PPP1R16B: variants seen among roughly 807,000 people sequenced by gnomAD.
PPP1R16B encodes protein phosphatase 1 regulatory subunit 16B.
PPP1R16B carries 14 observed loss-of-function variants against 61.7 expected under a neutral mutation model. The observed-to-expected ratio is 0.23, with a 90% confidence interval of 0.15 to 0.35. PPP1R16B has a LOEUF of 0.35. Ranked by LOEUF, PPP1R16B falls within the 10% of genes least tolerant of loss-of-function variation. The probability of loss-of-function intolerance (pLI) is 1.00; values close to 1 mark genes in which losing one functional copy is unlikely to be tolerated. For synonymous variants in PPP1R16B, 266 were observed against 305.3 expected (o/e 0.87, Z 1.34); for missense variants, 547 against 752.5 (o/e 0.73, Z 3.19).
chr20:38,814,219 C>G (rs1324987469), intron 1 of PPP1R16B, among the ~76,000 whole-genome samples: 1 of 152,152 alleles, frequency 6.6e-6, no homozygotes, highest in South Asian at 2.1e-4. Context: ...TCAGGACATC[C>G]GGCTTCAAAG....
At chr20:38,911,205 C>A (rs1467584233) in intron 10 of PPP1R16B, among the ~76,000 whole-genome samples, 2 of 135,988 alleles carry the variant, frequency 1.5e-5, no homozygotes, top group Non-Finnish European at 3.1e-5. Flanking sequence ...CTTGCTCTGT[C>A]CCCCAGGCTG....
chr20:38,885,990 G>T (rs915322796), intron 2 of PPP1R16B, among the ~76,000 whole-genome samples: 2 of 152,176 alleles, frequency 1.3e-5, no homozygotes, highest in African/African-American at 4.8e-5. Context: ...TGGCCAGGCT[G>T]GTCTTGAACT....
At chr20:38,813,063 T>A (rs567246496) in intron 1 of PPP1R16B, among the ~76,000 whole-genome samples, 1 of 152,336 alleles carries the variant, frequency 6.6e-6, no homozygotes, top group Admixed American at 6.5e-5. Context: ...GGTTCCCTGG[T>A]GCAAACCGCT....
At chr20:38,858,117 A>T (rs2085020806) in intron 2 of PPP1R16B, among the ~76,000 whole-genome samples, 1 of 152,074 alleles carries the variant, frequency 6.6e-6, no homozygotes, top group Admixed American at 6.5e-5. Flanking sequence ...TAAGGACACT[A>T]ATCCCATCAT....
chr20:38,887,744 C>T (rs2085256715), intron 2 of PPP1R16B, among the ~76,000 whole-genome samples: 1 of 152,254 alleles, frequency 6.6e-6, no homozygotes, highest in South Asian at 2.1e-4. Flanking sequence ...CCGTACTGGA[C>T]AAAGTCCTGT....
chr20:38,830,399 T>C (rs1163683729), intron 1 of PPP1R16B, among the ~76,000 whole-genome samples: 2 of 152,260 alleles, frequency 1.3e-5, no homozygotes, highest in Non-Finnish European at 2.9e-5. Flanking sequence ...CAGTCACTTA[T>C]AAGTTTTGCC....
intron 2 of PPP1R16B, among the ~76,000 whole-genome samples, chr20:38,860,524 C>T (rs769902413): frequency 1.3e-5 from 2 of 152,230 alleles, no homozygotes; most frequent in Non-Finnish European, 2.9e-5. Flanking sequence ...GCCCTGGATC[C>T]TCAGAGTTCC....
At chr20:38,842,393 T>C (rs1400945020) in intron 2 of PPP1R16B, among the ~76,000 whole-genome samples, 5 of 152,188 alleles carry the variant, frequency 3.3e-5, no homozygotes, top group African/African-American at 9.7e-5. Context: ...CTTGAAACCA[T>C]TGAATGTATG....
intron 10 of PPP1R16B, among the ~76,000 whole-genome samples, chr20:38,915,199 C>T (rs934427820): frequency 6.6e-6 from 1 of 152,164 alleles, no homozygotes; most frequent in East Asian, 1.9e-4. Context: ...CTCTTTGTGT[C>T]GTAACTCCTG....
intron 2 of PPP1R16B, among the ~76,000 whole-genome samples, chr20:38,855,937 T>TAG (rs1244542225): frequency 2.3e-3 from 86 of 37,740 alleles, no homozygotes; most frequent in Non-Finnish European, 2.9e-3. Context: ...TATATATATA[T>TAG]ATATATAGAG....
intron 3 of PPP1R16B, among the ~76,000 whole-genome samples, chr20:38,889,918 G>A (rs561773615): frequency 6.6e-6 from 1 of 152,348 alleles, no homozygotes; most frequent in East Asian, 1.9e-4. Flanking sequence ...GGGAGCCTTT[G>A]TTCACTGCAT....
At chr20:38,885,302 C>T (rs2085236660) in intron 2 of PPP1R16B, among the ~76,000 whole-genome samples, 1 of 152,150 alleles carries the variant, frequency 6.6e-6, no homozygotes, top group African/African-American at 2.4e-5. Context: ...TTAAATGGCC[C>T]TGAAAGAGCT....
intron 1 of PPP1R16B, among the ~76,000 whole-genome samples, chr20:38,824,750 C>T (rs951308223): frequency 6.6e-6 from 1 of 152,262 alleles, no homozygotes; most frequent in African/African-American, 2.4e-5. Flanking sequence ...CCATCCCAGG[C>T]TGGGCATGGC....
intron 2 of PPP1R16B, among the ~76,000 whole-genome samples, chr20:38,880,753 C>T (rs756466353): frequency 6.6e-5 from 10 of 152,164 alleles, no homozygotes; most frequent in Admixed American, 4.6e-4. Flanking sequence ...TTAGAGATAT[C>T]GCGACTAATG....
chr20:38,828,747 C>T lies in PPP1R16B; in HGVS notation c.-101-7078C>T, dbSNP rs1040199779. ...ACCACTCACTGTGCTGGGCTCAGGCCGCTGCTGACAGGCTCTGGCCCATCA... is the reference window on the plus strand; with the variant it reads ...ACCACTCACTGTGCTGGGCTCAGGCTGCTGCTGACAGGCTCTGGCCCATCA... On this transcript the variant is annotated intron_variant, in intron 1 of 10. Transcript: ENST00000299824. Among the ~76,000 whole-genome samples the T allele has an allele frequency of 5.9e-5, 9 of 152,184 alleles. No homozygotes were observed. In the South Asian group the frequency reaches 6.2e-4, roughly 10 times the overall value.
intron 2 of PPP1R16B, among the ~76,000 whole-genome samples, chr20:38,852,766 T>TTTTTG (rs2084977565): frequency 8.9e-6 from 1 of 112,538 alleles, no homozygotes; most frequent in Non-Finnish European, 1.8e-5. Context: ...TTTTTTTTTT[T>TTTTTG]TTGCGGGGGG....
chr20:38,856,442 T>C (rs887018820), intron 2 of PPP1R16B, among the ~76,000 whole-genome samples: 1 of 152,124 alleles, frequency 6.6e-6, no homozygotes, highest in South Asian at 2.1e-4. Flanking sequence ...TAAACTGTTG[T>C]GGTGAAGCTC....
rs1385619898 is a variant in PPP1R16B, at chr20:38,918,106, G to C, written c.1195-51G>C. On this transcript the variant is annotated intron_variant, in intron 10 of 10. Coordinates refer to ENST00000299824, the MANE Select transcript of PPP1R16B (RefSeq NM_015568.4). The surrounding 1 kb of genome is among the most constrained non-coding windows in gnomAD (Gnocchi z 5.3). ...CCCTCAGCAGAGAGACAGGTGGATA[G>C]TAGGTTCAGATCTTCCAGCCAGCTG... 1 of 1,595,894 alleles carries C rather than the reference G, an allele frequency of 6.3e-7. No homozygotes were observed. The highest frequency in any genetic ancestry group is 1.3e-5 in the African/African-American group (1 of 74,750).
chr20:38,882,190 G>A (rs2085208107), intron 2 of PPP1R16B, among the ~76,000 whole-genome samples: 2 of 152,196 alleles, frequency 1.3e-5, no homozygotes, highest in Non-Finnish European at 2.9e-5. Context: ...AGGGCAGAGA[G>A]AATGAGGAGT....
Sources: allele counts gnomAD v4.1 joint callset (sites outside exome capture counted in the v4.1 genomes callset), GRCh38; gene constraint gnomAD v4.1.1; non-coding constraint Gnocchi (gnomAD v3.1); transcripts MANE v1.5; gene names NCBI Gene and HGNC (gene_info 2026-07-23, HGNC 2026-07-21).